SLC25A12: variants seen among roughly 807,000 people sequenced by gnomAD.
The protein encoded by SLC25A12 is electrogenic aspartate/glutamate antiporter SLC25A12, mitochondrial.
In SLC25A12, 32 loss-of-function variants were observed where a neutral mutation model predicts 83.3. The ratio of observed to expected loss-of-function variants is 0.38; its 90% CI spans 0.29 to 0.52. The LOEUF (loss-of-function observed/expected upper bound fraction) is 0.52. SLC25A12 is among the 20% of genes least tolerant of loss of function. The pLI, the probability that SLC25A12 is intolerant of heterozygous loss-of-function variation, is 0.84. For synonymous variants in SLC25A12, 267 were observed against 291.1 expected (o/e 0.92, Z 0.84); for missense variants, 611 against 835.6 (o/e 0.73, Z 3.31).
intron 2 of SLC25A12, among the ~76,000 whole-genome samples, chr2:171,873,331 C>G (rs1158292034): frequency 6.6e-6 from 1 of 152,024 alleles, no homozygotes; most frequent in Non-Finnish European, 1.5e-5. Context: ...ACCTGTAGAC[C>G]CAACTACTGG....
intron 3 of SLC25A12, among the ~76,000 whole-genome samples, chr2:171,863,242 T>C (rs148789541): frequency 0.022 from 3,287 of 152,066 alleles, 55 homozygotes; most frequent in Middle Eastern, 0.037. Flanking sequence ...AGAAGAAAAA[T>C]GGGCCAGGTG....
intron 6 of SLC25A12, 149 bp from the exon 7 acceptor site, chr2:171,835,014 C>T (rs2105886885): frequency 5.9e-6 from 5 of 843,464 alleles, no homozygotes; most frequent in East Asian, 5.3e-5. Context: ...GAAAGTATCA[C>T]ACTGAAACAG....
intron 2 of SLC25A12, among the ~76,000 whole-genome samples, chr2:171,891,543 C>T (rs2105936462): frequency 6.6e-6 from 1 of 152,282 alleles, no homozygotes; most frequent in East Asian, 1.9e-4. Context: ...GTACAAGAAC[C>T]AGATAAATGC....
chr2:171,846,806 G>GA (rs1252106286), intron 4 of SLC25A12, among the ~76,000 whole-genome samples: 2 of 151,540 alleles, frequency 1.3e-5, no homozygotes, highest in East Asian at 1.9e-4. Context: ...GCTCTGTCTC[G>GA]AAAAAAAAGT....
chr2:171,823,853 G>A (rs1049198070), intron 9 of SLC25A12, among the ~76,000 whole-genome samples: 2 of 152,056 alleles, frequency 1.3e-5, no homozygotes, highest in Non-Finnish European at 2.9e-5. Context: ...TATTCAGGAG[G>A]CTGAGGTGGA....
At chr2:171,823,618 C>T (rs1378374845) in intron 9 of SLC25A12, among the ~76,000 whole-genome samples, 1 of 152,012 alleles carries the variant, frequency 6.6e-6, no homozygotes, top group Non-Finnish European at 1.5e-5. Flanking sequence ...TTTCTCTGTA[C>T]CTAATCCTCA....
intron 14 of SLC25A12, 138 bp downstream of exon 14, chr2:171,793,489 A>G (rs1683531983): frequency 3.5e-6 from 3 of 865,670 alleles, no homozygotes; most frequent in Admixed American, 2.0e-5. Context: ...AAGTGTCCTG[A>G]TTCTTTTCTT....
chr2:171,865,444 T>C (rs539410686), intron 3 of SLC25A12, among the ~76,000 whole-genome samples: 11 of 152,202 alleles, frequency 7.2e-5, no homozygotes, highest in Admixed American at 2.0e-4. Context: ...GCAGATCACT[T>C]GAGGTCAGGA....
At chr2:171,832,943 A>G (rs1233282231) in intron 8 of SLC25A12, among the ~76,000 whole-genome samples, 3 of 152,192 alleles carry the variant, frequency 2.0e-5, no homozygotes, top group South Asian at 4.1e-4. Flanking sequence ...CTTCTAAAAT[A>G]TAACAACAGC....
intron 8 of SLC25A12, among the ~76,000 whole-genome samples, chr2:171,831,127 T>C (rs1684422120): frequency 6.6e-6 from 1 of 152,252 alleles, no homozygotes; most frequent in Admixed American, 6.5e-5. Context: ...TACAACAGTT[T>C]TGTTTTTCTT....
At chr2:171,785,527 A>G (rs1558904222) in intron 17 of SLC25A12, 52 bp from the exon 18 acceptor site, 1 of 1,524,430 alleles carries the variant, frequency 6.6e-7, no homozygotes, top group East Asian at 2.3e-5. Flanking sequence ...GGATGAGCGC[A>G]GCTTACAGCT....
Position 171,783,648 on chromosome 2 carries a change from C to T in SLC25A12, c.*1626G>A, listed in dbSNP as rs963641681. ...GAAGGAGGGTAAGCGGGACACTTTC[C>T]CATCTCACTCTAGATACATACATAG... On this transcript the variant is annotated 3_prime_UTR_variant, in exon 18 of 18. Coordinates refer to ENST00000422440, the MANE Select transcript of SLC25A12 (RefSeq NM_003705.5). 2.0e-5 allele frequency among the ~76,000 whole-genome samples: 3 copies of T among 152,134 alleles called. No individual in the cohort carries two copies. The highest frequency in any genetic ancestry group is 2.9e-5 in the Non-Finnish European group (2 of 68,018).
intron 3 of SLC25A12, 67 bp from the exon 4 acceptor site, chr2:171,856,016 T>C: frequency 1.1e-6 from 1 of 885,346 alleles, no homozygotes; most frequent in Non-Finnish European, 1.9e-6. Context: ...TTAATCTGCC[T>C]TTACTATATA....
chr2:171,868,719 C>T lies in SLC25A12; in HGVS notation c.171G>A (p.Val57=), dbSNP rs1323483762. ...GATCAGCTACTCCTGCCAAGAGCTG[C>T]ACGATCTTTGGGTTACTATTTGGAT... ...YNDPNSNPKI[V]QLLAGVADQT... is the part of the protein sequence containing the mutation. The change falls in exon 3 of 18, where the codon GTG becomes GTA. Residue 57 remains valine (V), a synonymous_variant. Coordinates refer to ENST00000422440, the MANE Select transcript of SLC25A12 (RefSeq NM_003705.5). 5 of 1,613,840 alleles carry T rather than the reference C, an allele frequency of 3.1e-6. No individual in the cohort carries two copies. The Admixed American group carries it at 5.0e-5, about 16-fold the overall frequency.
rs140830304 is a variant in SLC25A12 at position 171,788,203 on chromosome 2, T to C, written c.1586-256A>G. ...TACATTGCATGATCCCAAATAACTG[T>C]GAGAGAGAAAAAAAAAGTAGCAATA... On this transcript the variant is annotated intron_variant, in intron 15 of 17. Coordinates refer to ENST00000422440, the MANE Select transcript of SLC25A12 (RefSeq NM_003705.5). 7.0e-4 allele frequency: 271 copies of C among 389,484 alleles called. 1 individual carries two copies. Among genetic ancestry groups the C allele is most frequent in the African/African-American group, 5.1e-3 (248 of 48,970 alleles). 24.1% of individuals were successfully genotyped at this position (389,484 alleles called of 1,614,324 possible). A position where few individuals can be genotyped will look rare whatever the true frequency, so the allele number is the denominator to read the frequency against.
Position 171,857,900 on chromosome 2 carries a change from G to A in SLC25A12, c.210-1951C>T, listed in dbSNP as rs1685079621. ...CTGGGTAACAGAGTGAGACCCAAGT[G>A]AGACCCATTTCAAAACAAAACAAAA... On this transcript the variant is annotated intron_variant, in intron 3 of 17. Coordinates refer to ENST00000422440, the MANE Select transcript of SLC25A12 (RefSeq NM_003705.5). Among the ~76,000 whole-genome samples the A allele has an allele frequency of 2.0e-5, 3 of 151,834 alleles. No individual in the cohort carries two copies. In the South Asian group the frequency reaches 6.2e-4, roughly 32 times the overall value.
chr2:171,843,947 C>T (rs914949135), intron 5 of SLC25A12, among the ~76,000 whole-genome samples: 2 of 152,034 alleles, frequency 1.3e-5, no homozygotes, highest in African/African-American at 4.8e-5. Context: ...AGGCGCCCGC[C>T]ACCACACCCG....
intron 2 of SLC25A12, among the ~76,000 whole-genome samples, chr2:171,873,997 A>AG (rs1685509955): frequency 6.6e-6 from 1 of 152,076 alleles, no homozygotes; most frequent in Admixed American, 6.6e-5. Context: ...AGGCTGAGGT[A>AG]GGGGGATCAC....
intron 3 of SLC25A12, among the ~76,000 whole-genome samples, chr2:171,868,186 A>T (rs919719502): frequency 1.3e-5 from 2 of 151,796 alleles, no homozygotes; most frequent in African/African-American, 2.4e-5. Flanking sequence ...CCCAAAATAT[A>T]ATAATAATAT....
Sources: gnomAD v4.1 joint callset for allele counts (sites outside exome capture counted in the v4.1 genomes callset) on GRCh38, gnomAD v4.1.1 for gene constraint, MANE v1.5 for transcripts, NCBI Gene and HGNC (gene_info 2026-07-23, HGNC 2026-07-21) for gene names.